ABCB5: variants seen among roughly 807,000 people sequenced by gnomAD.
ABCB5 encodes ATP binding cassette subfamily B member 5.
ABCB5 carries 155 observed loss-of-function variants against 144.2 expected under a neutral mutation model. That is an observed-to-expected ratio of 1.08 (90% CI 0.94 to 1.23). The LOEUF is 1.23. Ranked by LOEUF, ABCB5 falls within the 50% of genes most tolerant of loss-of-function variation. ABCB5 has a pLI of 0.00. For missense variants in ABCB5, 1,830 were observed against 1,520.8 expected (o/e 1.20, Z -3.38); for synonymous variants, 610 against 528.6 (o/e 1.15, Z -2.11).
At chr7:20,681,877 C>A (rs1000977031) in intron 15 of ABCB5, among the ~76,000 whole-genome samples, 1 of 152,120 alleles carries the variant, frequency 6.6e-6, no homozygotes, top group African/African-American at 2.4e-5. Context: ...GTACCTGGTA[C>A]CTAATATCTG....
Position 20,756,400 on chromosome 7 carries a change from T to G in ABCB5, c.*776T>G, listed in dbSNP as rs1783089148. The G allele has an allele frequency of 6.6e-6, 1 of 152,428 alleles. No individual in the cohort carries two copies. The highest frequency in any genetic ancestry group is 2.4e-5 in the African/African-American group (1 of 41,446). The allele number at this position is 152,428 out of a possible 1,614,324, so 9.4% of individuals were successfully genotyped here. On this transcript the variant is annotated 3_prime_UTR_variant, in exon 28 of 28. Coordinates refer to ENST00000404938, the MANE Select transcript of ABCB5 (RefSeq NM_001163941.2). The stretch of plus-strand genomic sequence containing the variant: ...GCTCACGCCTGTAATCCCAGAACTT[T>G]GGGAGGCCGAGGAGGGCGGATCACT...
intron 22 of ABCB5, 117 bp from the exon 23 acceptor site, chr7:20,728,198 A>G (rs1782097305): frequency 8.0e-7 from 1 of 1,247,582 alleles, no homozygotes; most frequent in South Asian, 1.7e-5. Flanking sequence ...CATTCGAAAA[A>G]TGCCTTTCCA....
Position 20,728,376 on chromosome 7 carries a change from T to C in ABCB5, c.2788T>C (p.Tyr930His), listed in dbSNP as rs756101797. 4 of 1,614,078 alleles carry C rather than the reference T, an allele frequency of 2.5e-6. No homozygotes were observed. Among genetic ancestry groups the C allele is most frequent in the Non-Finnish European group, 1.7e-6 (2 of 1,180,034 alleles). The change falls in exon 23 of 28, where the codon TAT (tyrosine) becomes CAT (histidine). Residue 930 changes from tyrosine to histidine, a missense_variant. Tyr to His is a moderately conservative substitution (Grantham distance 83). Transcript: ENST00000404938. ...SCYAFSHAFIYFAYAAGFRFG... is the reference protein window; with the variant it reads ...SCYAFSHAFIHFAYAAGFRFG... ...TTATGCATTCAGCCATGCCTTTATA[T>C]ATTTTGCCTATGCGGCAGGGTTTCG... is the stretch of plus-strand genomic sequence containing the variant.
intron 14 of ABCB5, among the ~76,000 whole-genome samples, chr7:20,676,003 A>AAAAT (rs141279531): frequency 2.0e-5 from 3 of 152,128 alleles, no homozygotes; most frequent in East Asian, 1.9e-4. Flanking sequence ...CTATTGTTAA[A>AAAAT]AAATAAATAA....
chr7:20,722,467 C>G (rs1781899168), intron 20 of ABCB5, among the ~76,000 whole-genome samples: 1 of 152,180 alleles, frequency 6.6e-6, no homozygotes, highest in South Asian at 2.1e-4. Flanking sequence ...TCCTATCATG[C>G]TTCTATACAG....
intron 5 of ABCB5, among the ~76,000 whole-genome samples, chr7:20,636,395 G>A (rs766003295): frequency 2.0e-5 from 3 of 152,056 alleles, no homozygotes; most frequent in Admixed American, 6.6e-5. Context: ...GTACAGTTAT[G>A]TAAGGGCTAC....
intron 23 of ABCB5, among the ~76,000 whole-genome samples, chr7:20,733,155 T>C (rs1782275481): frequency 6.6e-6 from 1 of 152,106 alleles, no homozygotes; most frequent in South Asian, 2.1e-4. Context: ...TGGTTCCAGA[T>C]TCCAGAGGTT....
At chr7:20,702,480 G>A (rs761548880) in intron 19 of ABCB5, among the ~76,000 whole-genome samples, 6 of 151,910 alleles carry the variant, frequency 3.9e-5, no homozygotes, top group East Asian at 1.9e-4. Flanking sequence ...ATGGCAGGCC[G>A]AACAAAATAA....
At chr7:20,710,877 T>G (rs1787004632) in intron 20 of ABCB5, among the ~76,000 whole-genome samples, 1 of 150,184 alleles carries the variant, frequency 6.7e-6, no homozygotes. Flanking sequence ...TCTTTTGGAT[T>G]AAAATTTTTT....
chr7:20,728,175 C>A, intron 22 of ABCB5, 140 bp from the exon 23 acceptor site: 1 of 975,808 alleles, frequency 1.0e-6, no homozygotes, highest in Non-Finnish European at 1.5e-6. Flanking sequence ...AAAAAAATCA[C>A]TTTCTCTTTC....
Position 20,670,571 on chromosome 7 carries a change from G to T in ABCB5, c.1708-10934G>T, listed in dbSNP as rs528677467. Among the ~76,000 whole-genome samples the T allele has an allele frequency of 9.6e-4, 146 of 152,232 alleles. 1 individual carries two copies. Among genetic ancestry groups the T allele is most frequent in the African/African-American group, 3.4e-3 (143 of 41,522 alleles). Reference sequence around the variant, plus strand: ...TCATAAGGGTGTGCTGTATAAGCGAGGCTTAGAATTACCACACCAAAGTAA... The same window carrying T: ...TCATAAGGGTGTGCTGTATAAGCGATGCTTAGAATTACCACACCAAAGTAA... On this transcript the variant is annotated intron_variant, in intron 14 of 27. Coordinates refer to ENST00000404938, the MANE Select transcript of ABCB5 (RefSeq NM_001163941.2).
At chr7:20,660,562 C>T (rs1397002274) in intron 14 of ABCB5, among the ~76,000 whole-genome samples, 1 of 152,094 alleles carries the variant, frequency 6.6e-6, no homozygotes, top group Admixed American at 6.6e-5. Context: ...GAAGCTGTAG[C>T]ACCATGACAG....
chr7:20,628,933 T>A (rs1783970367), intron 4 of ABCB5, 95 bp downstream of exon 4: 1 of 1,366,790 alleles, frequency 7.3e-7, no homozygotes, highest in Non-Finnish European at 1.0e-6. Flanking sequence ...TATTGTATTG[T>A]AAAACAGTAT....
chr7:20,687,313 G>A (rs1786034567), intron 16 of ABCB5, among the ~76,000 whole-genome samples: 1 of 152,278 alleles, frequency 6.6e-6, no homozygotes, highest in Non-Finnish European at 1.5e-5. Context: ...AATTAAAAAG[G>A]AATTTCCAGA....
At chr7:20,637,126 A>AT (rs1196280497) in intron 5 of ABCB5, among the ~76,000 whole-genome samples, 3 of 152,130 alleles carry the variant, frequency 2.0e-5, no homozygotes, top group Admixed American at 6.6e-5. Flanking sequence ...TAATGAACAT[A>AT]TTTTGGGGAC....
At chr7:20,652,527 AC>A (rs1369297311) in intron 13 of ABCB5, among the ~76,000 whole-genome samples, 2 of 152,192 alleles carry the variant, frequency 1.3e-5, no homozygotes, top group African/African-American at 4.8e-5. Context: ...CTGAGATCGC[AC>A]CACTGCGCTC....
chr7:20,655,230 G>A (rs1243395008), intron 13 of ABCB5, among the ~76,000 whole-genome samples: 1 of 152,112 alleles, frequency 6.6e-6, no homozygotes, highest in Non-Finnish European at 1.5e-5. Flanking sequence ...CCAGCACTTT[G>A]GGAGGCTGAG....
Position 20,699,819 on chromosome 7 carries a change from T to C in ABCB5, c.2155-6T>C, listed in dbSNP as rs1449220396. 3 of 1,577,780 alleles carry C rather than the reference T, an allele frequency of 1.9e-6. No homozygotes were observed. Among genetic ancestry groups the C allele is most frequent in the Non-Finnish European group, 2.6e-6 (3 of 1,155,246 alleles). ...AAACACCTGATAAAAATCTGTTCCTTTTCAGATGTTTGGAAATAATGATAA... is the reference window on the plus strand; with the variant it reads ...AAACACCTGATAAAAATCTGTTCCTCTTCAGATGTTTGGAAATAATGATAA... On this transcript the variant is annotated splice_polypyrimidine_tract_variant and splice_region_variant and intron_variant, in intron 17 of 27. Transcript: ENST00000404938.
At chr7:20,738,578 C>T (rs1444134280) in intron 23 of ABCB5, among the ~76,000 whole-genome samples, 2 of 152,138 alleles carry the variant, frequency 1.3e-5, no homozygotes, top group African/African-American at 4.8e-5. Context: ...AACAAACAAA[C>T]AAAAAATCAT....
Sources: allele counts gnomAD v4.1 joint callset (sites outside exome capture counted in the v4.1 genomes callset), GRCh38; gene constraint gnomAD v4.1.1; transcripts MANE v1.5; gene names NCBI Gene and HGNC (gene_info 2026-07-23, HGNC 2026-07-21).